The following ANKRD45 variants were observed in gnomAD, a reference collection of about 807,000 sequenced individuals.
ANKRD45 encodes the protein ankyrin repeat domain-containing protein 45.
Under a neutral mutation model 28.1 loss-of-function variants are expected in ANKRD45, and 21 were observed. The ratio of observed to expected loss-of-function variants is 0.75; its 90% CI spans 0.53 to 1.08. The LOEUF is 1.08. Ranked by LOEUF, ANKRD45 falls within the 50% of genes least tolerant of loss-of-function variation. The pLI, the probability that ANKRD45 is intolerant of heterozygous loss-of-function variation, is 0.00. For synonymous variants in ANKRD45, 86 were observed against 103.9 expected, an observed-to-expected ratio of 0.83 and a Z score of 1.05; for missense variants, 261 against 308.7, an observed-to-expected ratio of 0.85 and a Z score of 1.16.
upstream of ANKRD45, among the ~76,000 whole-genome samples, chr1:173,670,907 A>G (rs1428418728): frequency 6.6e-6 from 1 of 152,180 alleles, no homozygotes; most frequent in Non-Finnish European, 1.5e-5. Flanking sequence ...AAGAACAGCA[A>G]AAGAGACACT....
the ANKRD45 span, among the ~76,000 whole-genome samples, chr1:173,714,680 CCCTTTACTG>C: frequency 6.6e-6 from 1 of 152,226 alleles, no homozygotes; most frequent in Non-Finnish European, 1.5e-5. Flanking sequence ...TCTGTGACTA[CCCTTTACTG>C]CCTTTGCTGG....
At chr1:173,708,888 C>G in the ANKRD45 span, among the ~76,000 whole-genome samples, 1 of 152,242 alleles carries the variant, frequency 6.6e-6, no homozygotes, top group Non-Finnish European at 1.5e-5. Flanking sequence ...CCCCGGTCTT[C>G]TAGCTCCCAT....
At chr1:173,621,190 G>C (rs1480905650) in intron 5 of ANKRD45, among the ~76,000 whole-genome samples, 1 of 152,106 alleles carries the variant, frequency 6.6e-6, no homozygotes, top group Non-Finnish European at 1.5e-5. Flanking sequence ...AAGAAGCCCA[G>C]GACCAGATGG....
the ANKRD45 span, among the ~76,000 whole-genome samples, chr1:173,679,845 GA>G: frequency 3.3e-5 from 5 of 152,028 alleles, no homozygotes; most frequent in Admixed American, 6.6e-5. Context: ...AAATTTACAA[GA>G]AAAAAGCAAA....
chr1:173,692,789 G>C, the ANKRD45 span, among the ~76,000 whole-genome samples: 2 of 152,144 alleles, frequency 1.3e-5, no homozygotes, highest in African/African-American at 4.8e-5. Flanking sequence ...GAACATGAGG[G>C]TTAAACAGGG....
chr1:173,615,928 C>T (rs6682615), intron 5 of ANKRD45, among the ~76,000 whole-genome samples: 25,766 of 151,762 alleles, frequency 0.17, 7,289 homozygotes, highest in African/African-American at 0.59. Flanking sequence ...ATGGTGAAAC[C>T]CCGTCTCTAC....
At chr1:173,703,540 T>C in the ANKRD45 span, among the ~76,000 whole-genome samples, 1 of 152,166 alleles carries the variant, frequency 6.6e-6, no homozygotes, top group Admixed American at 6.5e-5. Context: ...TTCACATGCC[T>C]CTACCTCAGG....
chr1:173,648,048 T>A (rs1474593310), intron 2 of ANKRD45, among the ~76,000 whole-genome samples: 3 of 152,204 alleles, frequency 2.0e-5, no homozygotes, highest in South Asian at 4.1e-4. Context: ...GTTCAAGCTA[T>A]TCTGCCTCAG....
Position 173,609,641 on chromosome 1 carries a change from G to C in ANKRD45, c.*504C>G, listed in dbSNP as rs1330578688. ...AAGATAAAGAGGGGTTTTACTCAGA[G>C]GTATACCCCACCTCACAGGTGAAAT... On this transcript the variant is annotated 3_prime_UTR_variant, in exon 6 of 6. Transcript: ENST00000333279. 1 of 153,948 alleles carries C rather than the reference G, an allele frequency of 6.5e-6. No homozygotes were observed. Among genetic ancestry groups the C allele is most frequent in the South Asian group, 2.0e-4 (1 of 4,948 alleles). The allele number at this position is 153,948 out of a possible 1,614,324, so 9.5% of individuals were successfully genotyped here.
chr1:173,692,017 AG>A, the ANKRD45 span, among the ~76,000 whole-genome samples: 2 of 152,192 alleles, frequency 1.3e-5, no homozygotes, highest in Non-Finnish European at 2.9e-5. Flanking sequence ...AGGGTCGAGC[AG>A]GTAGCAGGTA....
the ANKRD45 span, among the ~76,000 whole-genome samples, chr1:173,684,860 C>T: frequency 6.6e-6 from 1 of 152,132 alleles, no homozygotes; most frequent in African/African-American, 2.4e-5. Context: ...AATAGATCAC[C>T]GTTGGTTGTA....
the ANKRD45 span, among the ~76,000 whole-genome samples, chr1:173,682,941 C>CTCTT: frequency 6.7e-6 from 1 of 149,782 alleles, no homozygotes; most frequent in African/African-American, 2.5e-5. Flanking sequence ...TTGCCTCTCT[C>CTCTT]TTTTTTTTTC....
At chr1:173,634,164 G>T (rs1268703123) in intron 3 of ANKRD45, among the ~76,000 whole-genome samples, 1 of 151,806 alleles carries the variant, frequency 6.6e-6, no homozygotes, top group Non-Finnish European at 1.5e-5. Context: ...TTTTAAATGG[G>T]CAAAAGATGT....
At chr1:173,691,602 G>A in the ANKRD45 span, among the ~76,000 whole-genome samples, 49 of 152,156 alleles carry the variant, frequency 3.2e-4, no homozygotes, top group Admixed American at 1.1e-3. Flanking sequence ...TGGCTAACAC[G>A]GTGAAACCCC....
intron 3 of ANKRD45, chr1:173,635,874 T>TA: frequency 6.9e-7 from 1 of 1,441,172 alleles, no homozygotes. Flanking sequence ...TAGTAATAGT[T>TA]ACAAAATCTC....
chr1:173,659,255 A>G lies in ANKRD45; in HGVS notation c.164T>C (p.Phe55Ser), dbSNP rs1319080288. 3 of 1,614,012 alleles carry G rather than the reference A, an allele frequency of 1.9e-6. No individual in the cohort carries two copies. The Admixed American group carries it at 5.0e-5, about 27-fold the overall frequency. Residue 55 changes from phenylalanine to serine, a missense_variant, in exon 2 of 6, where the codon TTT (phenylalanine) becomes TCT (serine). By Grantham distance (155) the Phe-to-Ser change is radical. Transcript: ENST00000333279. ...ATGATGAGGATTCTCAGGATCCTCAAATATCTTCTGCAAACCCTCTACATC... is the reference window on the plus strand; with the variant it reads ...ATGATGAGGATTCTCAGGATCCTCAGATATCTTCTGCAAACCCTCTACATC... Reference protein sequence around the residue: ...TGDVEGLQKIFEDPENPHHEQ... With the variant: ...TGDVEGLQKISEDPENPHHEQ...
chr1:173,616,253 C>T (rs1408521971), intron 5 of ANKRD45, among the ~76,000 whole-genome samples: 5 of 152,050 alleles, frequency 3.3e-5, no homozygotes, highest in Admixed American at 3.3e-4. Flanking sequence ...GCAACACATA[C>T]TATATTATTT....
intron 3 of ANKRD45, among the ~76,000 whole-genome samples, chr1:173,645,165 C>T (rs1668869985): frequency 6.6e-6 from 1 of 152,160 alleles, no homozygotes; most frequent in South Asian, 2.1e-4. Context: ...TTCAAGTGGA[C>T]AGTTAATTAT....
At chr1:173,613,007 C>G (rs1303249441) in intron 5 of ANKRD45, among the ~76,000 whole-genome samples, 1 of 152,128 alleles carries the variant, frequency 6.6e-6, no homozygotes, top group Non-Finnish European at 1.5e-5. Flanking sequence ...TCTGCCCGGC[C>G]GCCACCCCGT....
Sources: gnomAD v4.1 joint callset for allele counts (sites outside exome capture counted in the v4.1 genomes callset) on GRCh38, gnomAD v4.1.1 for gene constraint, MANE v1.5 for transcripts, NCBI Gene and HGNC (gene_info 2026-07-23, HGNC 2026-07-21) for gene names.